ANKS1B: variants seen among roughly 807,000 people sequenced by gnomAD.
ANKS1B encodes ankyrin repeat and sterile alpha motif domain containing 1B, also known as ankyrin repeat and sterile alpha motif domain-containing protein 1B.
ANKS1B carries 36 observed loss-of-function variants against 148.3 expected under a neutral mutation model. The ratio of observed to expected loss-of-function variants is 0.24; its 90% CI spans 0.19 to 0.32. The LOEUF is 0.32. ANKS1B is among the 10% of genes least tolerant of loss of function. ANKS1B has a pLI of 1.00. For synonymous variants in ANKS1B, 542 were observed against 560.8 expected (o/e 0.97, Z 0.47); for missense variants, 1,157 against 1,542.6 (o/e 0.75, Z 4.19).
intron 14 of ANKS1B, among the ~76,000 whole-genome samples, chr12:99,218,202 A>T (rs1169636140): frequency 3.3e-5 from 5 of 152,198 alleles, no homozygotes; most frequent in Admixed American, 2.6e-4. Context: ...ATTTAAAAAA[A>T]GTCATTTTTC....
intron 1 of ANKS1B, among the ~76,000 whole-genome samples, chr12:99,961,000 G>A (rs2095403843): frequency 6.6e-6 from 1 of 152,176 alleles, no homozygotes; most frequent in African/African-American, 2.4e-5. Flanking sequence ...GGCCGAGGCG[G>A]ACGGATCATC....
intron 9 of ANKS1B, among the ~76,000 whole-genome samples, chr12:99,625,812 T>C (rs2098107004): frequency 6.6e-6 from 1 of 152,010 alleles, no homozygotes; most frequent in South Asian, 2.1e-4. Context: ...CAGAGAGTAG[T>C]AAGAAAAGAA....
chr12:99,417,807 G>A (rs11832504), intron 11 of ANKS1B, among the ~76,000 whole-genome samples: 23,477 of 151,830 alleles, frequency 0.15, 2,152 homozygotes, highest in African/African-American at 0.26. Flanking sequence ...AATTAAAGAC[G>A]AAGAAAAAAT....
Position 99,806,395 on chromosome 12 carries a change from C to G in ANKS1B, c.669+9G>C. The G allele has an allele frequency of 6.2e-7, 1 of 1,612,856 alleles. No homozygotes were observed. Among genetic ancestry groups the G allele is most frequent in the East Asian group, 2.2e-5 (1 of 44,862 alleles). ...ATCACTTTTAAAGCATAGCTAAAAGCACACTCACTTGACAGCTCACATCCA... is the reference window on the plus strand; with the variant it reads ...ATCACTTTTAAAGCATAGCTAAAAGGACACTCACTTGACAGCTCACATCCA... On this transcript the variant is annotated intron_variant, in intron 4 of 26. Transcript: ENST00000683438.
At chr12:98,902,524 G>A (rs947394149) in intron 17 of ANKS1B, among the ~76,000 whole-genome samples, 1 of 152,146 alleles carries the variant, frequency 6.6e-6, no homozygotes, top group Non-Finnish European at 1.5e-5. Context: ...GGAAAATATG[G>A]TTAAATCATA....
intron 6 of ANKS1B, among the ~76,000 whole-genome samples, chr12:99,779,205 A>T (rs969444773): frequency 6.6e-6 from 1 of 152,272 alleles, no homozygotes; most frequent in Non-Finnish European, 1.5e-5. Context: ...CTTTCAATAG[A>T]GCTAATGACT....
intron 17 of ANKS1B, among the ~76,000 whole-genome samples, chr12:98,972,910 A>G (rs975092930): frequency 6.6e-6 from 1 of 152,198 alleles, no homozygotes; most frequent in African/African-American, 2.4e-5. Context: ...CTGTGTGTTC[A>G]ATACTATTGC....
intron 1 of ANKS1B, among the ~76,000 whole-genome samples, chr12:99,916,252 G>A (rs2094167125): frequency 6.6e-6 from 1 of 152,156 alleles, no homozygotes; most frequent in Admixed American, 6.5e-5. Context: ...GGGAAGTGCT[G>A]CCATATAACA....
chr12:99,091,497 C>T (rs2053974785), intron 15 of ANKS1B, among the ~76,000 whole-genome samples: 1 of 152,114 alleles, frequency 6.6e-6, no homozygotes, highest in South Asian at 2.1e-4. Flanking sequence ...TTTGTACTGC[C>T]TTTGGTCAAA....
intron 1 of ANKS1B, among the ~76,000 whole-genome samples, chr12:99,913,787 G>C (rs186885258): frequency 6.6e-6 from 1 of 151,830 alleles, no homozygotes; most frequent in Non-Finnish European, 1.5e-5. Context: ...AATGGATTAG[G>C]AGAACTCACT....
chr12:98,898,607 A>G (rs1357836018), intron 17 of ANKS1B, among the ~76,000 whole-genome samples: 2 of 152,150 alleles, frequency 1.3e-5, no homozygotes, highest in Non-Finnish European at 2.9e-5. Context: ...GCACCAGGAT[A>G]TTGAATGTCA....
At position 98,987,958 on chromosome 12, in the gene ANKS1B, A is replaced by AT. The variant is rs141910565; in HGVS notation, c.2778+65198dup. Among the ~76,000 whole-genome samples the AT allele has an allele frequency of 6.5e-3, 985 of 152,278 alleles. 9 individuals carry two copies. Among genetic ancestry groups the AT allele is most frequent in the Non-Finnish European group, 0.011 (752 of 68,008 alleles). The stretch of plus-strand genomic sequence containing the variant: ...AAGAACCAGCAAATGATTTTTTCCT[A>AT]TTTTTAAATGTAATTTAATTATTTA... On this transcript the variant is annotated intron_variant, in intron 17 of 26. Transcript: ENST00000683438.
At chr12:99,125,059 G>T (rs987154654) in intron 15 of ANKS1B, among the ~76,000 whole-genome samples, 16 of 152,100 alleles carry the variant, frequency 1.1e-4, no homozygotes, top group Non-Finnish European at 1.3e-4. Flanking sequence ...AGTAACTGGG[G>T]GTAATGTAGG....
At chr12:99,816,795 T>C (rs1290651603) in intron 2 of ANKS1B, among the ~76,000 whole-genome samples, 3 of 151,710 alleles carry the variant, frequency 2.0e-5, no homozygotes, top group Non-Finnish European at 4.4e-5. Flanking sequence ...ATGAACTAAA[T>C]AGGCCATTTT....
intron 17 of ANKS1B, among the ~76,000 whole-genome samples, chr12:98,981,572 G>A (rs1490420103): frequency 6.6e-6 from 1 of 152,100 alleles, no homozygotes; most frequent in African/African-American, 2.4e-5. Context: ...CTGACCTCAG[G>A]TGACCCACCC....
intron 17 of ANKS1B, among the ~76,000 whole-genome samples, chr12:98,902,009 A>G (rs1362873247): frequency 1.3e-5 from 2 of 152,202 alleles, no homozygotes; most frequent in Non-Finnish European, 1.5e-5. Flanking sequence ...AAAACAATAG[A>G]CTGCCTGTTA....
At chr12:98,796,054 C>T (rs75675443) in intron 22 of ANKS1B, among the ~76,000 whole-genome samples, 4,132 of 152,240 alleles carry the variant, frequency 0.027, 133 homozygotes, top group African/African-American at 0.076. Context: ...ATCCCTTAGG[C>T]TGATGGCAAC....
At chr12:99,070,591 T>C (rs1441297430) in intron 16 of ANKS1B, among the ~76,000 whole-genome samples, 2 of 152,190 alleles carry the variant, frequency 1.3e-5, no homozygotes, top group African/African-American at 4.8e-5. Flanking sequence ...TAGCTAAACA[T>C]ATGCTTTGGA....
intron 8 of ANKS1B, among the ~76,000 whole-genome samples, chr12:99,754,118 C>T (rs113684318): frequency 0.23 from 35,099 of 152,018 alleles, 4,651 homozygotes; most frequent in Non-Finnish European, 0.31. Flanking sequence ...ACTCATCTCA[C>T]ATGTAATGAC....
Sources: allele counts gnomAD v4.1 joint callset (sites outside exome capture counted in the v4.1 genomes callset), GRCh38; gene constraint gnomAD v4.1.1; transcripts MANE v1.5; gene names NCBI Gene and HGNC (gene_info 2026-07-23, HGNC 2026-07-21).